DCHS2: variants seen among roughly 807,000 people sequenced by gnomAD.
DCHS2 encodes the protein protocadherin-23.
DCHS2 carries 142 observed loss-of-function variants against 182.4 expected under a neutral mutation model. The observed-to-expected ratio is 0.78, with a 90% CI of 0.68 to 0.89. The LOEUF is 0.89. Among genes scored for constraint, DCHS2 ranks in the 40% least tolerant of loss-of-function variants. The pLI, the probability that DCHS2 is intolerant of heterozygous loss-of-function variation, is 0.00. For synonymous variants in DCHS2, 1,740 were observed against 1,663.3 expected, an observed-to-expected ratio of 1.05 and a Z score of -1.12; for missense variants, 4,319 against 4,198.6, an observed-to-expected ratio of 1.03 and a Z score of -0.79.
intron 1 of DCHS2, among the ~76,000 whole-genome samples, chr4:154,465,470 A>G (rs1363875645): frequency 6.6e-6 from 1 of 152,120 alleles, no homozygotes; most frequent in African/African-American, 2.4e-5. Context: ...GGAGCTCAAG[A>G]CCAGCCTGGA....
chr4:154,400,297 C>A (rs1249670349), intron 1 of DCHS2, among the ~76,000 whole-genome samples: 2 of 17,896 alleles, frequency 1.1e-4, no homozygotes, highest in African/African-American at 1.7e-4. Flanking sequence ...AGCGAGACTT[C>A]GTCTCAAAAA....
chr4:154,327,559 A>C (rs1040463557), intron 7 of DCHS2, among the ~76,000 whole-genome samples: 1 of 152,162 alleles, frequency 6.6e-6, no homozygotes, highest in Non-Finnish European at 1.5e-5. Context: ...ACACAATGCC[A>C]ATTAAAGTAA....
intron 1 of DCHS2, among the ~76,000 whole-genome samples, chr4:154,466,518 C>T (rs754245433): frequency 2.6e-5 from 4 of 152,136 alleles, no homozygotes; most frequent in African/African-American, 4.8e-5. Flanking sequence ...CCCTCGAGAC[C>T]GCTTGCTGAA....
At chr4:154,417,182 T>TGA in intron 1 of DCHS2, among the ~76,000 whole-genome samples, 4 of 108,306 alleles carry the variant, frequency 3.7e-5, no homozygotes, top group African/African-American at 1.5e-4. Flanking sequence ...TGTGTGTGTG[T>TGA]GTGTGTGTGT....
intron 2 of DCHS2, among the ~76,000 whole-genome samples, chr4:154,368,624 C>A (rs1366167899): frequency 6.6e-6 from 1 of 151,678 alleles, no homozygotes; most frequent in Non-Finnish European, 1.5e-5. Flanking sequence ...TCAAGTGATT[C>A]TCCTACCTCA....
chr4:154,298,018 G>A lies in DCHS2; in HGVS notation c.6296C>T (p.Pro2099Leu). 1 of 1,614,054 alleles carries A rather than the reference G, an allele frequency of 6.2e-7. No individual in the cohort carries two copies. The highest frequency in any genetic ancestry group is 1.1e-5 in the South Asian group (1 of 91,080). The change falls in exon 13 of 20, where the codon CCA (proline) becomes CTA (leucine). Residue 2099 changes from proline (P) to leucine (L), a missense_variant. Transcript: ENST00000357232. ...YTGEIQFQQN[P>L]SSEYFPIWLQ... ...CCAGATAGGGAAGTATTCTGAAGAT[G>A]GATTTTGCTGAAATTGAATTTCTCC... is the stretch of plus-strand genomic sequence containing the variant.
intron 2 of DCHS2, among the ~76,000 whole-genome samples, chr4:154,374,934 G>A (rs1218614470): frequency 3.3e-5 from 5 of 152,132 alleles, no homozygotes; most frequent in Non-Finnish European, 4.4e-5. Context: ...AATGTAAATT[G>A]AACACGTTGT....
intron 1 of DCHS2, among the ~76,000 whole-genome samples, chr4:154,391,467 A>G (rs1731701500): frequency 6.6e-6 from 1 of 152,144 alleles, no homozygotes; most frequent in South Asian, 2.1e-4. Flanking sequence ...ACTGATGCTG[A>G]GTTTGCAGGA....
rs747116977 is a variant in DCHS2, at chr4:154,331,649, A to C, written c.3730+829T>G. 6.8e-6 allele frequency: 11 copies of C among 1,613,868 alleles called. No homozygotes were observed. The African/African-American group carries it at 1.3e-4, about 20-fold the overall frequency. On this transcript the variant is annotated intron_variant, in intron 5 of 19. Transcript: ENST00000357232. ...TGAAGTTCATCAGAACTGAATGCAAAGTCTGTCCCACTAAAGGCAGCAGCA... is the reference window on the plus strand; with the variant it reads ...TGAAGTTCATCAGAACTGAATGCAACGTCTGTCCCACTAAAGGCAGCAGCA...
At chr4:154,486,326 C>T (rs1728584550) in intron 1 of DCHS2, 2 of 1,165,030 alleles carry the variant, frequency 1.7e-6, no homozygotes, top group Non-Finnish European at 2.3e-6. Context: ...GTGCCAGCAA[C>T]AGCAGCAACT....
At chr4:154,406,527 A>G (rs1229599972) in intron 1 of DCHS2, among the ~76,000 whole-genome samples, 1 of 152,068 alleles carries the variant, frequency 6.6e-6, no homozygotes, top group Non-Finnish European at 1.5e-5. Context: ...AGTATTGGCT[A>G]CTCTGTTGTA....
chr4:154,236,404 A>T lies in DCHS2; in HGVS notation c.8248T>A (p.Phe2750Ile). The change falls in exon 20 of 20, where the codon TTT (phenylalanine) becomes ATT (isoleucine). Residue 2750 changes from phenylalanine (F) to isoleucine (I), a missense_variant. Physicochemically the swap from Phe to Ile is conservative, Grantham distance 21. Coordinates refer to ENST00000357232, the MANE Select transcript of DCHS2 (RefSeq NM_001358235.2). Reference protein sequence around the residue: ...VQASDAEKKHFSFAVVFVSVL... With the variant: ...VQASDAEKKHISFAVVFVSVL... ...CTGACAAACACAACTGCAAAAGAAA[A>T]ATGTTTCTTTTCTGCATCTGAAGCT... is the stretch of plus-strand genomic sequence containing the variant. 1 of 1,614,056 alleles carries T rather than the reference A, an allele frequency of 6.2e-7. No individual in the cohort carries two copies. Among genetic ancestry groups the T allele is most frequent in the Non-Finnish European group, 8.5e-7 (1 of 1,179,970 alleles).
At chr4:154,339,358 A>G (rs1412934354) in intron 3 of DCHS2, among the ~76,000 whole-genome samples, 1 of 152,178 alleles carries the variant, frequency 6.6e-6, no homozygotes, top group Non-Finnish European at 1.5e-5. Flanking sequence ...AAATCCACCC[A>G]CAGAGACACC....
chr4:154,268,576 G>A (rs1733414418), intron 14 of DCHS2, among the ~76,000 whole-genome samples: 1 of 152,118 alleles, frequency 6.6e-6, no homozygotes, highest in East Asian at 1.9e-4. Context: ...TTGGGCCATG[G>A]TTGACCACAG....
intron 1 of DCHS2, among the ~76,000 whole-genome samples, chr4:154,458,920 A>G (rs1734885254): frequency 6.6e-6 from 1 of 152,244 alleles, no homozygotes; most frequent in Non-Finnish European, 1.5e-5. Context: ...CAATGAAAAC[A>G]TCATTACAAT....
In DCHS2 at chr4:154,425,415, C is replaced by T. The variant is rs868128923; in HGVS notation, c.2053-47971G>A. 1.3e-4 allele frequency among the ~76,000 whole-genome samples: 20 copies of T among 152,248 alleles called. No homozygotes were observed. The Middle Eastern group carries it at 0.014, about 104-fold the overall frequency. The stretch of plus-strand genomic sequence containing the variant: ...TTCCAGATAGGATAATTTAATCTAC[C>T]GAGGTCACTTGCATTTCCAAATGTT... On this transcript the variant is annotated intron_variant, in intron 1 of 19. Coordinates refer to ENST00000357232, the MANE Select transcript of DCHS2 (RefSeq NM_001358235.2).
rs1224840595 is a variant in DCHS2, at chr4:154,442,539, C to CACACA, written c.2052+46764_2052+46765insTGTGT. On this transcript the variant is annotated intron_variant, in intron 1 of 19. Coordinates refer to ENST00000357232, the MANE Select transcript of DCHS2 (RefSeq NM_001358235.2). The stretch of plus-strand genomic sequence containing the variant: ...CACTGAAAAGTGGACACCCCCCCCC[C>CACACA]CCCACACACACACACACACACACCA... 3.5e-3 allele frequency among the ~76,000 whole-genome samples: 284 copies of CACACA among 80,822 alleles called. 1 individual carries two copies. Among genetic ancestry groups the CACACA allele is most frequent in the African/African-American group, 7.9e-3 (198 of 25,028 alleles). 53.0% of individuals were successfully genotyped at this position (80,822 alleles called of 152,430 possible).
chr4:154,474,231 T>G (rs1735595396), intron 1 of DCHS2, among the ~76,000 whole-genome samples: 1 of 152,172 alleles, frequency 6.6e-6, no homozygotes, highest in African/African-American at 2.4e-5. Context: ...CAGTGTGATC[T>G]CATCTTCAGA....
chr4:154,238,843 G>A (rs1041909163), intron 19 of DCHS2, among the ~76,000 whole-genome samples: 1 of 152,088 alleles, frequency 6.6e-6, no homozygotes, highest in Non-Finnish European at 1.5e-5. Context: ...GATTCTTGCT[G>A]AATCCTGGGA....
Sources: allele counts gnomAD v4.1 joint callset (sites outside exome capture counted in the v4.1 genomes callset), GRCh38; gene constraint gnomAD v4.1.1; transcripts MANE v1.5; gene names NCBI Gene and HGNC (gene_info 2026-07-23, HGNC 2026-07-21).